DCDC1: variants seen among roughly 807,000 people sequenced by gnomAD.
DCDC1 encodes the protein doublecortin domain-containing protein 1.
Under a neutral mutation model 178.3 loss-of-function variants are expected in DCDC1, and 200 were observed. The ratio of observed to expected loss-of-function variants is 1.12; its 90% CI spans 1.00 to 1.26. The LOEUF (loss-of-function observed/expected upper bound fraction) is 1.26. Ranked by LOEUF, DCDC1 falls within the 50% of genes most tolerant of loss-of-function variation. The probability of loss-of-function intolerance (pLI) is 0.00; values close to 1 mark genes in which losing one functional copy is unlikely to be tolerated. For synonymous variants in DCDC1, 690 were observed against 604.8 expected, an observed-to-expected ratio of 1.14 and a Z score of -2.07; for missense variants, 1,983 against 1,749.2, an observed-to-expected ratio of 1.13 and a Z score of -2.38.
At chr11:30,902,297 G>A (rs1055232151) in intron 32 of DCDC1, among the ~76,000 whole-genome samples, 1 of 152,114 alleles carries the variant, frequency 6.6e-6, no homozygotes, top group Admixed American at 6.5e-5. Flanking sequence ...TCCACTGTGT[G>A]AGGACAAAAC....
At chr11:31,339,151 C>A (rs1396736736) in intron 1 of DCDC1, among the ~76,000 whole-genome samples, 2 of 152,098 alleles carry the variant, frequency 1.3e-5, no homozygotes, top group Non-Finnish European at 1.5e-5. Context: ...CAGTTGGTTG[C>A]CTGAAATTAA....
chr11:30,952,414 A>G, intron 21 of DCDC1, 31 bp downstream of exon 21: 1 of 1,509,838 alleles, frequency 6.6e-7, no homozygotes, highest in Non-Finnish European at 8.9e-7. Flanking sequence ...AGTAAGTCTC[A>G]ATGACCATCT....
chr11:30,989,497 C>A (rs1950852315), intron 20 of DCDC1, among the ~76,000 whole-genome samples: 1 of 152,120 alleles, frequency 6.6e-6, no homozygotes, highest in Admixed American at 6.6e-5. Flanking sequence ...AATCTGTAGT[C>A]CTCTTTATCC....
chr11:31,284,716 G>A (rs1946692115), intron 7 of DCDC1, among the ~76,000 whole-genome samples: 1 of 151,174 alleles, frequency 6.6e-6, no homozygotes, highest in Admixed American at 6.6e-5. Flanking sequence ...TTGGCTCACT[G>A]CAGCCTCTGC....
chr11:31,249,800 G>C (rs574797419), intron 8 of DCDC1, among the ~76,000 whole-genome samples: 1 of 152,162 alleles, frequency 6.6e-6, no homozygotes, highest in Non-Finnish European at 1.5e-5. Flanking sequence ...TGATTGAAGA[G>C]AGGCAAATAC....
intron 9 of DCDC1, among the ~76,000 whole-genome samples, chr11:31,155,732 G>A (rs989521720): frequency 3.9e-5 from 6 of 152,192 alleles, no homozygotes; most frequent in Admixed American, 6.5e-5. Flanking sequence ...GGCCACACCA[G>A]TAAATGCTCC....
At chr11:31,332,268 C>G (rs942719843) in intron 2 of DCDC1, among the ~76,000 whole-genome samples, 14 of 152,084 alleles carry the variant, frequency 9.2e-5, no homozygotes, top group Non-Finnish European at 1.8e-4. Flanking sequence ...ATTCTTCTCC[C>G]TTTTCTTCTT....
chr11:31,062,770 CT>C lies in DCDC1; in HGVS notation c.2591+1698del, dbSNP rs577843303. ...TATGTAATTTAGTAATATAAAATAG[CT>C]TTTTTTTCTTTTTTTTCTTTTTTAA... On this transcript the variant is annotated intron_variant, in intron 20 of 38. Transcript: ENST00000684477. Among the ~76,000 whole-genome samples the C allele has an allele frequency of 4.1e-3, 613 of 151,194 alleles. 1 individual carries two copies. Among genetic ancestry groups the C allele is most frequent in the African/African-American group, 0.014 (593 of 41,164 alleles).
intron 32 of DCDC1, among the ~76,000 whole-genome samples, chr11:30,902,270 C>T (rs1017467845): frequency 1.3e-5 from 2 of 152,104 alleles, no homozygotes; most frequent in Non-Finnish European, 2.9e-5. Context: ...TGCTGGGCTC[C>T]TTTGCCCTTT....
chr11:31,203,323 G>T (rs1971510541), intron 9 of DCDC1, among the ~76,000 whole-genome samples: 1 of 152,146 alleles, frequency 6.6e-6, no homozygotes, highest in African/African-American at 2.4e-5. Context: ...ATTACAAATA[G>T]TGAGAAAAGA....
chr11:31,351,590 T>A (rs1026571052), intron 1 of DCDC1, among the ~76,000 whole-genome samples: 9 of 152,164 alleles, frequency 5.9e-5, no homozygotes, highest in African/African-American at 1.4e-4. Context: ...TCTTTTAATG[T>A]AAATTTTCCA....
At chr11:31,091,199 T>C (rs1318519234) in intron 17 of DCDC1, among the ~76,000 whole-genome samples, 194 bp downstream of exon 17, 2 of 152,182 alleles carry the variant, frequency 1.3e-5, no homozygotes, top group African/African-American at 4.8e-5. Flanking sequence ...TTAAATATCT[T>C]TAAAACACTA....
chr11:31,322,165 T>C (rs974734689), intron 3 of DCDC1, among the ~76,000 whole-genome samples: 2 of 152,232 alleles, frequency 1.3e-5, no homozygotes, highest in African/African-American at 4.8e-5. Context: ...GTTTTACATC[T>C]GCTACATTTC....
In DCDC1 at chr11:31,050,942, A is replaced by G. The variant is rs141393431; in HGVS notation, c.2591+13527T>C. 4.2e-3 allele frequency among the ~76,000 whole-genome samples: 640 copies of G among 152,190 alleles called. 1 individual carries two copies. Among genetic ancestry groups the G allele is most frequent in the African/African-American group, 0.015 (619 of 41,538 alleles). On this transcript the variant is annotated intron_variant, in intron 20 of 38. Transcript: ENST00000684477. The stretch of plus-strand genomic sequence containing the variant: ...CAAGGCTCTTCAACACCCCCAAAAA[A>G]CCACACTAGTTCACCAGCAATGGAT...
intron 9 of DCDC1, among the ~76,000 whole-genome samples, chr11:31,184,522 G>A (rs1236261654): frequency 6.6e-6 from 1 of 151,376 alleles, no homozygotes; most frequent in East Asian, 2.0e-4. Flanking sequence ...TGGAAGAAAA[G>A]TTTTCTAATC....
intron 10 of DCDC1, among the ~76,000 whole-genome samples, chr11:31,132,769 C>T (rs1320844080): frequency 6.6e-6 from 1 of 152,136 alleles, no homozygotes; most frequent in South Asian, 2.1e-4. Flanking sequence ...TCTCATTGTG[C>T]AGCAGAAAGC....
chr11:31,360,460 G>A (rs1198810208), intron 1 of DCDC1, among the ~76,000 whole-genome samples: 1 of 152,038 alleles, frequency 6.6e-6, no homozygotes, highest in African/African-American at 2.4e-5. Context: ...TATATACTAT[G>A]TTTTTTCCTA....
chr11:31,122,164 T>C (rs1960906594), intron 11 of DCDC1, among the ~76,000 whole-genome samples: 1 of 152,146 alleles, frequency 6.6e-6, no homozygotes, highest in Non-Finnish European at 1.5e-5. Flanking sequence ...GATGGTACAC[T>C]GCGGCCTTTG....
chr11:30,992,001 T>C (rs1465384053), intron 20 of DCDC1, among the ~76,000 whole-genome samples: 1 of 152,208 alleles, frequency 6.6e-6, no homozygotes, highest in Admixed American at 6.5e-5. Flanking sequence ...CATGCACTTC[T>C]GTGTTGTTGA....
Sources: allele counts gnomAD v4.1 joint callset (sites outside exome capture counted in the v4.1 genomes callset), GRCh38; gene constraint gnomAD v4.1.1; transcripts MANE v1.5; gene names NCBI Gene and HGNC (gene_info 2026-07-23, HGNC 2026-07-21).